The following INTS8 variants were observed in gnomAD, a reference collection of about 807,000 sequenced individuals.
The protein encoded by INTS8 is protein kaonashi-1.
Under a neutral mutation model 138.9 loss-of-function variants are expected in INTS8, and 47 were observed. The observed-to-expected ratio is 0.34, with a 90% CI of 0.27 to 0.43. The LOEUF is 0.43. Ranked by LOEUF, INTS8 falls within the 20% of genes least tolerant of loss-of-function variation. The pLI, the probability that INTS8 is intolerant of heterozygous loss-of-function variation, is 1.00. For missense variants in INTS8, 996 were observed against 1,173.0 expected (o/e 0.85, Z 2.20); for synonymous variants, 392 against 400.9 (o/e 0.98, Z 0.27).
chr8:94,855,795 A>C (rs1815725569), intron 14 of INTS8, among the ~76,000 whole-genome samples: 1 of 152,230 alleles, frequency 6.6e-6, no homozygotes, highest in Non-Finnish European at 1.5e-5. Context: ...AGATAGGGAG[A>C]AAGAATTGAG....
At chr8:94,844,919 AT>A (rs540697826) in intron 10 of INTS8, among the ~76,000 whole-genome samples, 1 of 151,118 alleles carries the variant, frequency 6.6e-6, no homozygotes, top group Non-Finnish European at 1.5e-5. Flanking sequence ...CGCCTGGCTA[AT>A]TTTTTTTATT....
chr8:94,868,648 T>TTTTTC (rs1171966390), intron 20 of INTS8: 2 of 151,994 alleles, frequency 1.3e-5, no homozygotes, highest in Non-Finnish European at 2.9e-5. Context: ...GTAGAGACAG[T>TTTTTC]TTTTCTTTTC....
intron 14 of INTS8, 26 bp from the exon 15 acceptor site, chr8:94,856,751 C>T: frequency 1.2e-6 from 2 of 1,604,526 alleles, no homozygotes; most frequent in South Asian, 1.1e-5. Flanking sequence ...GAAAGGTGAC[C>T]CAGGCTATTC....
At chr8:94,861,299 T>A (rs1815968968) in intron 16 of INTS8, among the ~76,000 whole-genome samples, 1 of 128,342 alleles carries the variant, frequency 7.8e-6, no homozygotes, top group Non-Finnish European at 1.7e-5. Context: ...TCTCGCTCTG[T>A]CGCCCAGGCT....
At chr8:94,828,297 T>C (rs1370672869) in intron 4 of INTS8, among the ~76,000 whole-genome samples, 1 of 152,208 alleles carries the variant, frequency 6.6e-6, no homozygotes, top group African/African-American at 2.4e-5. Context: ...CGCCTTGGTC[T>C]TCCAAAGTGC....
At position 94,841,552 on chromosome 8, in the gene INTS8, A is replaced by G. The variant is rs181055782; in HGVS notation, c.1079A>G (p.Gln360Arg). The G allele has an allele frequency of 6.2e-7, 1 of 1,608,442 alleles. No individual in the cohort carries two copies. The highest frequency in any genetic ancestry group is 1.1e-5 in the South Asian group (1 of 90,302). The change falls in exon 9 of 27, where the codon CAG becomes CGG. Residue 360 changes from glutamine to arginine, a missense_variant. By Grantham distance (43) the Gln-to-Arg change is conservative. Coordinates refer to ENST00000523731, the MANE Select transcript of INTS8 (RefSeq NM_017864.4). ...TTGAGTTTACCTGTCCAGTTCCGAC[A>G]GTCAGTCCTAAGAGAACTCTTTAAG... ...LTLSLPVQFRQSVLRELFKKA... is the reference protein window; with the variant it reads ...LTLSLPVQFRRSVLRELFKKA...
chr8:94,865,366 A>G, intron 16 of INTS8, 140 bp from the exon 17 acceptor site: 1 of 641,814 alleles, frequency 1.6e-6, no homozygotes, highest in Admixed American at 3.0e-5. Context: ...CAAAGGTTGT[A>G]CAGAATGCAC....
intron 23 of INTS8, 101 bp downstream of exon 23, chr8:94,874,703 C>A: frequency 2.9e-6 from 2 of 679,996 alleles, no homozygotes; most frequent in East Asian, 2.9e-5. Flanking sequence ...TTTTCCATAT[C>A]AAAATCACTT....
intron 16 of INTS8, among the ~76,000 whole-genome samples, chr8:94,861,803 G>A (rs1815996664): frequency 6.6e-6 from 1 of 151,860 alleles, no homozygotes; most frequent in African/African-American, 2.4e-5. Flanking sequence ...CGCCCACCTC[G>A]GCCTCCCAAA....
At chr8:94,831,884 T>A (rs564677351) in intron 5 of INTS8, 108 bp from the exon 6 acceptor site, 22 of 767,362 alleles carry the variant, frequency 2.9e-5, no homozygotes, top group South Asian at 7.4e-5. Context: ...GTGTTAAAAA[T>A]TTTTTTAATA....
chr8:94,864,156 G>A lies in INTS8; in HGVS notation c.2077-1350G>A, dbSNP rs1011940818. 4.6e-5 allele frequency among the ~76,000 whole-genome samples: 7 copies of A among 152,070 alleles called. No individual in the cohort carries two copies. In the South Asian group the frequency reaches 1.5e-3, roughly 32 times the overall value. ...TGGCAGAATAGTCACAATGTGTCAG[G>A]TATTTATTGAACTTTTTTTTTTATT... On this transcript the variant is annotated intron_variant, in intron 16 of 26. Transcript: ENST00000523731.
intron 10 of INTS8, among the ~76,000 whole-genome samples, chr8:94,844,026 CT>C (rs539302253): frequency 5.7e-5 from 8 of 139,242 alleles, no homozygotes; most frequent in Admixed American, 7.2e-5. Flanking sequence ...TAGAGTTCTG[CT>C]TTTTTTTTTT....
At chr8:94,866,035 A>G in intron 17 of INTS8, 123 bp from the exon 18 acceptor site, 1 of 570,038 alleles carries the variant, frequency 1.8e-6, no homozygotes, top group South Asian at 2.3e-5. Flanking sequence ...GTAGAATATT[A>G]CATTCCTTTT....
At chr8:94,873,195 C>G (rs901236478) in intron 21 of INTS8, among the ~76,000 whole-genome samples, 179 bp from the exon 22 acceptor site, 1 of 152,210 alleles carries the variant, frequency 6.6e-6, no homozygotes, top group African/African-American at 2.4e-5. Flanking sequence ...AATAAAATCT[C>G]CAGATACTAA....
chr8:94,831,586 A>G (rs1041402820), intron 5 of INTS8, among the ~76,000 whole-genome samples: 4 of 151,568 alleles, frequency 2.6e-5, no homozygotes, highest in Admixed American at 2.0e-4. Context: ...GGTTCAAGCA[A>G]TTCTCCTGCC....
At chr8:94,864,425 T>C (rs1230519176) in intron 16 of INTS8, among the ~76,000 whole-genome samples, 3 of 152,146 alleles carry the variant, frequency 2.0e-5, no homozygotes, top group African/African-American at 7.2e-5. Context: ...GTTCTGAATT[T>C]GGCCAGATGC....
chr8:94,838,721 C>T (rs1401647528), intron 8 of INTS8, 103 bp downstream of exon 8: 3 of 784,778 alleles, frequency 3.8e-6, no homozygotes, highest in African/African-American at 1.7e-5. Context: ...TGGGGCAAGT[C>T]ATTTACACTG....
intron 15 of INTS8, among the ~76,000 whole-genome samples, chr8:94,858,454 G>A (rs1222653357): frequency 1.3e-5 from 2 of 152,208 alleles, no homozygotes; most frequent in Non-Finnish European, 2.9e-5. Flanking sequence ...GGCACTAAAG[G>A]ATGCATGCTG....
intron 10 of INTS8, among the ~76,000 whole-genome samples, chr8:94,848,254 C>T (rs1352045797): frequency 6.6e-6 from 1 of 152,010 alleles, no homozygotes; most frequent in African/African-American, 2.4e-5. Context: ...CTCAGGTGAT[C>T]CACCTGTCTC....
Sources: gnomAD v4.1 joint callset for allele counts (sites outside exome capture counted in the v4.1 genomes callset) on GRCh38, gnomAD v4.1.1 for gene constraint, MANE v1.5 for transcripts, NCBI Gene and HGNC (gene_info 2026-07-23, HGNC 2026-07-21) for gene names.